The following GRAMD1B variants were observed in gnomAD, a reference collection of about 807,000 sequenced individuals.
GRAMD1B encodes the protein protein Aster-B.
In GRAMD1B, 37 loss-of-function variants were observed where a neutral mutation model predicts 99.7. That is an observed-to-expected ratio of 0.37 (90% CI 0.29 to 0.49). The LOEUF (loss-of-function observed/expected upper bound fraction) is 0.49. Among genes scored for constraint, GRAMD1B ranks in the 20% least tolerant of loss-of-function variants. GRAMD1B has a pLI of 0.98. For synonymous variants in GRAMD1B, 427 were observed against 387.6 expected, an observed-to-expected ratio of 1.10 and a Z score of -1.19; for missense variants, 888 against 1,009.2, an observed-to-expected ratio of 0.88 and a Z score of 1.63.
intron 2 of GRAMD1B, among the ~76,000 whole-genome samples, chr11:123,566,638 C>T (rs924647020): frequency 3.9e-5 from 6 of 152,098 alleles, no homozygotes; most frequent in Non-Finnish European, 7.4e-5. Flanking sequence ...TGGTGGCGGG[C>T]GCCTGTAGTC....
chr11:123,476,353 G>A (rs1418533107), intron 1 of GRAMD1B, among the ~76,000 whole-genome samples: 5 of 152,094 alleles, frequency 3.3e-5, no homozygotes, highest in African/African-American at 9.7e-5. Flanking sequence ...TACCCGCCTC[G>A]GCTTCCTAAA....
intron 2 of GRAMD1B, among the ~76,000 whole-genome samples, chr11:123,513,578 T>TTTCCTTCCTTTCCTTCC (rs1941302363): frequency 2.4e-5 from 1 of 41,672 alleles, no homozygotes; most frequent in Non-Finnish European, 4.6e-5. Context: ...CCTTCCTTCC[T>TTTCCTTCCTTTCCTTCC]TTCCTTCCTT....
chr11:123,360,296 A>G (rs1946094943), intron 1 of GRAMD1B, among the ~76,000 whole-genome samples: 1 of 152,188 alleles, frequency 6.6e-6, no homozygotes, highest in Non-Finnish European at 1.5e-5. Context: ...TCTTGCTTGT[A>G]CTGAATGTTC....
chr11:123,502,186 C>T (rs1939934436), intron 2 of GRAMD1B, among the ~76,000 whole-genome samples: 1 of 152,194 alleles, frequency 6.6e-6, no homozygotes, highest in Admixed American at 6.5e-5. Flanking sequence ...TTTCTCTTGG[C>T]TTCAGCATGA....
chr11:123,558,560 G>C (rs1946391786), intron 2 of GRAMD1B, among the ~76,000 whole-genome samples: 1 of 152,222 alleles, frequency 6.6e-6, no homozygotes, highest in Non-Finnish European at 1.5e-5. Flanking sequence ...AACTGAGTTT[G>C]AGATAAGAGT....
chr11:123,613,424 G>A (rs1221542553), intron 15 of GRAMD1B, 31 bp from the exon 16 acceptor site: 2 of 1,496,756 alleles, frequency 1.3e-6, no homozygotes, highest in South Asian at 1.2e-5. Flanking sequence ...GCTGAAGGTG[G>A]CCTCTCCTGT....
In GRAMD1B at chr11:123,391,615, C is replaced by T. The variant is rs12098916; in HGVS notation, c.-176+32816C>T. 6.3e-3 allele frequency among the ~76,000 whole-genome samples: 962 copies of T among 152,238 alleles called. 13 individuals carry two copies. The highest frequency in any genetic ancestry group is 0.022 in the African/African-American group (925 of 41,554). On this transcript the variant is annotated intron_variant, in intron 1 of 20. Transcript: ENST00000638157. ...GGGATTACAGGTGACTGCCAGCACG[C>T]CTGGCTAATTTTTGTATTTTAGTAG...
At chr11:123,415,875 T>TA (rs1453376413) in intron 1 of GRAMD1B, among the ~76,000 whole-genome samples, 4 of 152,220 alleles carry the variant, frequency 2.6e-5, no homozygotes, top group Non-Finnish European at 5.9e-5. Flanking sequence ...GTTCTAGGTA[T>TA]CATGCACATA....
At chr11:123,563,554 C>T (rs1022467398) in intron 2 of GRAMD1B, among the ~76,000 whole-genome samples, 2 of 151,454 alleles carry the variant, frequency 1.3e-5, no homozygotes, top group African/African-American at 2.4e-5. Context: ...CTCTGTCACC[C>T]ATGCTGGAGT....
chr11:123,548,171 T>TG, intron 2 of GRAMD1B, among the ~76,000 whole-genome samples: 1 of 151,708 alleles, frequency 6.6e-6, no homozygotes, highest in East Asian at 1.9e-4. Flanking sequence ...CTTGTGCCCG[T>TG]GGGTGAGTCG....
intron 2 of GRAMD1B, among the ~76,000 whole-genome samples, chr11:123,565,605 C>T (rs762850061): frequency 3.9e-5 from 6 of 152,176 alleles, no homozygotes; most frequent in Admixed American, 6.5e-5. Context: ...GACTGTGGCA[C>T]GTAAGAGTGC....
At chr11:123,516,487 G>A (rs1330078799) in intron 2 of GRAMD1B, among the ~76,000 whole-genome samples, 5 of 152,178 alleles carry the variant, frequency 3.3e-5, no homozygotes, top group South Asian at 2.1e-4. Flanking sequence ...AATATGTTCC[G>A]AAGGCACTAT....
At chr11:123,366,024 C>A (rs1442372095) in intron 1 of GRAMD1B, among the ~76,000 whole-genome samples, 1 of 152,194 alleles carries the variant, frequency 6.6e-6, no homozygotes, top group Admixed American at 6.5e-5. Flanking sequence ...AGGCAAATCT[C>A]TTAGGATTTA....
intron 2 of GRAMD1B, among the ~76,000 whole-genome samples, chr11:123,521,192 G>A (rs1942171409): frequency 6.6e-6 from 1 of 152,124 alleles, no homozygotes; most frequent in South Asian, 2.1e-4. Context: ...ACTCCCACTA[G>A]CTCCTTTCCA....
chr11:123,583,024 G>T (rs1165509050), intron 3 of GRAMD1B, among the ~76,000 whole-genome samples: 2 of 151,958 alleles, frequency 1.3e-5, no homozygotes, highest in Admixed American at 1.3e-4. Context: ...GCGTGTGTAT[G>T]TGTGTGAATG....
chr11:123,570,506 C>T (rs1565389500), intron 2 of GRAMD1B, among the ~76,000 whole-genome samples: 1 of 150,278 alleles, frequency 6.7e-6, no homozygotes, highest in East Asian at 2.0e-4. Flanking sequence ...TCCCTGAAAC[C>T]TCCACCTCCT....
At chr11:123,599,263 TATC>T in intron 7 of GRAMD1B, 1 of 741,838 alleles carries the variant, frequency 1.3e-6, no homozygotes, top group Non-Finnish European at 2.5e-6. Context: ...AATCCATCCT[TATC>T]ATCATACAAA....
Position 123,424,806 on chromosome 11 carries a change from G to C in GRAMD1B, c.-175-56010G>C, listed in dbSNP as rs144813820. Among the ~76,000 whole-genome samples, 61 of 152,252 alleles carry C rather than the reference G, an allele frequency of 4.0e-4. No homozygotes were observed. The East Asian group carries it at 0.011, about 27-fold the overall frequency. On this transcript the variant is annotated intron_variant, in intron 1 of 20. Transcript: ENST00000638157. Reference sequence around the variant, plus strand: ...TTTTGCACTTAATTAATTCTGCTTTGAGGGATCATGTGCTCCAATGCACCA... The same window carrying C: ...TTTTGCACTTAATTAATTCTGCTTTCAGGGATCATGTGCTCCAATGCACCA...
intron 2 of GRAMD1B, among the ~76,000 whole-genome samples, chr11:123,524,757 G>A (rs1167337629): frequency 6.6e-6 from 1 of 152,162 alleles, no homozygotes; most frequent in Non-Finnish European, 1.5e-5. Context: ...GGCTTATTAT[G>A]GTTCAACTGT....
Sources: allele counts gnomAD v4.1 joint callset (sites outside exome capture counted in the v4.1 genomes callset), GRCh38; gene constraint gnomAD v4.1.1; transcripts MANE v1.5; gene names NCBI Gene and HGNC (gene_info 2026-07-23, HGNC 2026-07-21).